Variants in ZNF100 observed in about 807,000 individuals in gnomAD.
ZNF100 encodes the protein zinc finger protein 100 (Y1).
ZNF100 carries 12 observed loss-of-function variants against 15.8 expected under a neutral mutation model. That is an observed-to-expected ratio of 0.76 (90% CI 0.49 to 1.23). ZNF100 has a LOEUF of 1.23. Ranked by LOEUF, ZNF100 falls within the 50% of genes most tolerant of loss-of-function variation. The probability of loss-of-function intolerance (pLI) is 0.00; values close to 1 mark genes in which losing one functional copy is unlikely to be tolerated. For synonymous variants in ZNF100, 226 were observed against 214.8 expected (o/e 1.05, Z -0.45); for missense variants, 670 against 635.6 (o/e 1.05, Z -0.58).
chr19:21,751,707 G>C, intron 2 of ZNF100: 1 of 1,203,522 alleles, frequency 8.3e-7, no homozygotes, highest in African/African-American at 1.5e-5. Flanking sequence ...GTTCCTGCTA[G>C]TGTTTATGCC....
intron 2 of ZNF100, chr19:21,751,161 C>G: frequency 7.5e-7 from 1 of 1,327,242 alleles, no homozygotes; most frequent in East Asian, 2.3e-5. Context: ...GGAAGAGCAA[C>G]CACTTAAATC....
In ZNF100 at chr19:21,725,514, CTT is replaced by C. The variant is rs1184928642; in HGVS notation, c.*1167_*1168del. 2 of 152,048 alleles carry C rather than the reference CTT, an allele frequency of 1.3e-5. No homozygotes were observed. The highest frequency in any genetic ancestry group is 4.8e-5 in the African/African-American group (2 of 41,416). The allele number at this position is 152,048 out of a possible 1,614,324, so 9.4% of individuals were successfully genotyped here. On this transcript the variant is annotated 3_prime_UTR_variant, in exon 5 of 5. Transcript: ENST00000358296. ...CATCATACATCTCATATTTTAATGTCTTTTTCATAGCAAAGTTTATAAATAAT... is the reference window on the plus strand; with the variant it reads ...CATCATACATCTCATATTTTAATGTCTTTCATAGCAAAGTTTATAAATAAT...
intron 2 of ZNF100, chr19:21,750,745 A>C (rs1309870506): frequency 5.9e-6 from 2 of 340,782 alleles, no homozygotes; most frequent in Admixed American, 4.5e-5. Flanking sequence ...GCGCGGGTGC[A>C]GCCTGGGCTG....
intron 2 of ZNF100, among the ~76,000 whole-genome samples, chr19:21,762,788 A>G (rs2036502714): frequency 6.6e-6 from 1 of 152,202 alleles, no homozygotes; most frequent in African/African-American, 2.4e-5. Flanking sequence ...TGGGTAAAAC[A>G]GGGCTGAGAT....
At chr19:21,742,515 CAAA>C (rs1342599479) in intron 4 of ZNF100, among the ~76,000 whole-genome samples, 2 of 149,380 alleles carry the variant, frequency 1.3e-5, no homozygotes, top group Non-Finnish European at 3.0e-5. Flanking sequence ...AAACAAAAAA[CAAA>C]AAACAAAAGT....
chr19:21,730,806 C>T (rs61196724), intron 4 of ZNF100, among the ~76,000 whole-genome samples: 13,980 of 150,268 alleles, frequency 0.093, 853 homozygotes, highest in South Asian at 0.18. Flanking sequence ...GATTATATTA[C>T]ATGAACAAAA....
In ZNF100 at chr19:21,733,981, G is replaced by C. The variant is rs60569922; in HGVS notation, c.323-5992C>G. Among the ~76,000 whole-genome samples the C allele has an allele frequency of 4.6e-5, 7 of 152,272 alleles. No individual in the cohort carries two copies. The East Asian group carries it at 1.3e-3, about 29-fold the overall frequency. ...AATCACAGCGGCCCTACAGAAGACG[G>C]GCCTGACTGTTAAAGGAAAAACAGA... On this transcript the variant is annotated intron_variant, in intron 4 of 4. Transcript: ENST00000358296.
At position 21,726,608 on chromosome 19, in the gene ZNF100, C is replaced by A. The variant is rs563323818; in HGVS notation, c.*75G>T. On this transcript the variant is annotated 3_prime_UTR_variant, in exon 5 of 5. Transcript: ENST00000358296. ...GGCTTTGCCATATTCTTCACAGTCA[C>A]AGGAGTTCCCTCCAGTATGAATTTT... 2.3e-6 allele frequency: 3 copies of A among 1,322,320 alleles called. No individual in the cohort carries two copies. Among genetic ancestry groups the A allele is most frequent in the Middle Eastern group, 1.9e-4 (1 of 5,280 alleles). 81.9% of individuals were successfully genotyped at this position (1,322,320 alleles called of 1,614,324 possible).
intron 4 of ZNF100, among the ~76,000 whole-genome samples, chr19:21,733,281 G>GT (rs1213600389): frequency 2.4e-4 from 35 of 142,982 alleles, no homozygotes; most frequent in Non-Finnish European, 3.9e-4. Context: ...GATACACAAT[G>GT]TAAGATAATA....
At chr19:21,760,030 A>C (rs887603116) in intron 2 of ZNF100, among the ~76,000 whole-genome samples, 1 of 151,964 alleles carries the variant, frequency 6.6e-6, no homozygotes, top group Non-Finnish European at 1.5e-5. Context: ...TAAAAATATA[A>C]AATTAGCTGG....
At chr19:21,752,386 A>G (rs2036323017) in intron 2 of ZNF100, 1 of 152,696 alleles carries the variant, frequency 6.5e-6, no homozygotes, top group African/African-American at 2.4e-5. Flanking sequence ...AAAGCCACTT[A>G]GGAGCAGACT....
At chr19:21,735,208 CTTAAAT>C (rs1251841886) in intron 4 of ZNF100, among the ~76,000 whole-genome samples, 1 of 152,068 alleles carries the variant, frequency 6.6e-6, no homozygotes, top group Admixed American at 6.6e-5. Flanking sequence ...CAATATTAAC[CTTAAAT>C]TTAAATGGAC....
chr19:21,760,304 C>T (rs1261158020), intron 2 of ZNF100, among the ~76,000 whole-genome samples: 1 of 151,878 alleles, frequency 6.6e-6, no homozygotes, highest in Non-Finnish European at 1.5e-5. Context: ...ACCAGCCTGT[C>T]CAACATGGTG....
chr19:21,767,325 G>A lies in ZNF100; in HGVS notation c.3+102C>T, dbSNP rs1366794769. ...CCGAGCTGGGCAAGGCGCAGATTGT[G>A]AAGCTGACTGCGGAGAGGCCTGAGT... On this transcript the variant is annotated intron_variant, in intron 1 of 4. Coordinates refer to ENST00000358296, the MANE Select transcript of ZNF100 (RefSeq NM_173531.4). The A allele has an allele frequency of 9.4e-6, 15 of 1,592,804 alleles. No homozygotes were observed. The South Asian group carries it at 1.4e-4, about 15-fold the overall frequency.
In ZNF100 at chr19:21,745,346, G is replaced by C. The variant is rs371984189; in HGVS notation, c.97-279C>G. Reference sequence around the variant, plus strand: ...CATAAACACAAACATATACATTTTTGAGTGTTATTATTTATATCATAAAGA... The same window carrying C: ...CATAAACACAAACATATACATTTTTCAGTGTTATTATTTATATCATAAAGA... On this transcript the variant is annotated intron_variant, in intron 2 of 4. Coordinates refer to ENST00000358296, the MANE Select transcript of ZNF100 (RefSeq NM_173531.4). Among the ~76,000 whole-genome samples, 8 of 152,152 alleles carry C rather than the reference G, an allele frequency of 5.3e-5. No individual in the cohort carries two copies. In the South Asian group the frequency reaches 1.2e-3, roughly 24 times the overall value.
intron 4 of ZNF100, among the ~76,000 whole-genome samples, 160 bp from the exon 5 acceptor site, chr19:21,728,149 C>G (rs2035848717): frequency 6.7e-6 from 1 of 149,608 alleles, no homozygotes; most frequent in Non-Finnish European, 1.5e-5. Flanking sequence ...AAAAAACCAA[C>G]CAAATTACAT....
At chr19:21,731,395 G>A (rs1349462403) in intron 4 of ZNF100, among the ~76,000 whole-genome samples, 6 of 149,452 alleles carry the variant, frequency 4.0e-5, no homozygotes, top group East Asian at 2.0e-4. Context: ...TGCAACCTCC[G>A]CCTCCTGGGT....
intron 2 of ZNF100, among the ~76,000 whole-genome samples, chr19:21,757,791 T>C (rs1221222906): frequency 6.6e-6 from 1 of 152,120 alleles, no homozygotes; most frequent in Non-Finnish European, 1.5e-5. Context: ...ATCCCAGCAC[T>C]TTGGGAGGCC....
intron 2 of ZNF100, among the ~76,000 whole-genome samples, chr19:21,747,369 T>G (rs1296388866): frequency 6.6e-6 from 1 of 151,702 alleles, no homozygotes; most frequent in African/African-American, 2.4e-5. Flanking sequence ...TTTTGCCAAC[T>G]GGTCATGTGA....
Sources: gnomAD v4.1 joint callset for allele counts (sites outside exome capture counted in the v4.1 genomes callset) on GRCh38, gnomAD v4.1.1 for gene constraint, MANE v1.5 for transcripts, NCBI Gene and HGNC (gene_info 2026-07-23, HGNC 2026-07-21) for gene names.